DOCK3: variants seen among roughly 807,000 people sequenced by gnomAD.
DOCK3 encodes dedicator of cytokinesis protein 3.
A neutral mutation model predicts 265.6 loss-of-function variants in DOCK3; 60 were observed. The observed-to-expected ratio is 0.23, with a 90% confidence interval of 0.18 to 0.28. The LOEUF (loss-of-function observed/expected upper bound fraction) is 0.28. DOCK3 is among the 10% of genes least tolerant of loss of function. The pLI is 1.00. For synonymous variants in DOCK3, 881 were observed against 938.0 expected (o/e 0.94, Z 1.11); for missense variants, 1,981 against 2,594.3 (o/e 0.76, Z 5.14).
chr3:50,860,395 A>G (rs1184906292), intron 3 of DOCK3, among the ~76,000 whole-genome samples: 2 of 152,092 alleles, frequency 1.3e-5, no homozygotes, highest in Non-Finnish European at 1.5e-5. Context: ...TTGATAGTTG[A>G]GGCTTAGGCC....
At chr3:50,728,952 G>A (rs1428557800) in intron 1 of DOCK3, among the ~76,000 whole-genome samples, 41 of 148,910 alleles carry the variant, frequency 2.8e-4, no homozygotes, top group Non-Finnish European at 9.0e-5. Context: ...TCAAACTCCT[G>A]ACCTCTAGTG....
intron 2 of DOCK3, among the ~76,000 whole-genome samples, chr3:50,799,178 G>A (rs1299720714): frequency 6.6e-6 from 1 of 152,096 alleles, no homozygotes; most frequent in Non-Finnish European, 1.5e-5. Context: ...TTTTGCCCAA[G>A]ATTGCTTTGA....
chr3:50,749,944 C>T (rs950204572), intron 1 of DOCK3, among the ~76,000 whole-genome samples: 4 of 152,164 alleles, frequency 2.6e-5, no homozygotes, highest in East Asian at 1.9e-4. Flanking sequence ...TATCCCTTAA[C>T]GCAGGGGCCC....
chr3:50,727,316 A>C (rs2037894031), intron 1 of DOCK3, among the ~76,000 whole-genome samples: 1 of 152,256 alleles, frequency 6.6e-6, no homozygotes, highest in South Asian at 2.1e-4. Flanking sequence ...AATGTTATGC[A>C]TAAGAAATCT....
intron 27 of DOCK3, among the ~76,000 whole-genome samples, chr3:51,287,214 A>T (rs1018830561): frequency 2.0e-5 from 3 of 152,232 alleles, no homozygotes; most frequent in Non-Finnish European, 4.4e-5. Flanking sequence ...AATGTTCAAC[A>T]TCACTAATCA....
At chr3:51,336,957 G>A in intron 35 of DOCK3, 1 of 449,626 alleles carries the variant, frequency 2.2e-6, no homozygotes, top group Admixed American at 2.4e-5. Flanking sequence ...ACCATTGTGT[G>A]GGTTGCTTGG....
chr3:51,073,360 A>G (rs1020554887), intron 6 of DOCK3, among the ~76,000 whole-genome samples: 6 of 152,220 alleles, frequency 3.9e-5, no homozygotes, highest in African/African-American at 1.4e-4. Flanking sequence ...GAAAGGATGT[A>G]CTGCACCTCG....
chr3:51,014,623 T>G (rs1427859623), intron 5 of DOCK3, among the ~76,000 whole-genome samples: 2 of 152,180 alleles, frequency 1.3e-5, no homozygotes, highest in African/African-American at 4.8e-5. Flanking sequence ...CAGAATGGTT[T>G]TGGCTATTCT....
At chr3:50,905,403 G>A (rs1277476130) in intron 4 of DOCK3, among the ~76,000 whole-genome samples, 1 of 152,070 alleles carries the variant, frequency 6.6e-6, no homozygotes, top group Non-Finnish European at 1.5e-5. Flanking sequence ...AGCATGGAAT[G>A]TTCTTCCATT....
At chr3:51,317,996 T>C (rs1172976220) in intron 32 of DOCK3, among the ~76,000 whole-genome samples, 2 of 152,194 alleles carry the variant, frequency 1.3e-5, no homozygotes, top group Non-Finnish European at 2.9e-5. Context: ...TATCTAATTC[T>C]TTTTCCTTTT....
chr3:51,153,975 T>C (rs2085731615), intron 10 of DOCK3, among the ~76,000 whole-genome samples: 1 of 152,224 alleles, frequency 6.6e-6, no homozygotes, highest in African/African-American at 2.4e-5. Flanking sequence ...TCAAAACCTA[T>C]TGGATAGTTT....
chr3:50,834,685 A>G (rs1272257499), intron 2 of DOCK3, among the ~76,000 whole-genome samples: 2 of 152,216 alleles, frequency 1.3e-5, no homozygotes, highest in Non-Finnish European at 2.9e-5. Flanking sequence ...GACACTTCAT[A>G]TTAGAAAATA....
chr3:51,216,410 C>T (rs761813274), intron 14 of DOCK3, among the ~76,000 whole-genome samples: 10 of 152,250 alleles, frequency 6.6e-5, no homozygotes, highest in African/African-American at 9.6e-5. Flanking sequence ...TTCCCTCCTC[C>T]GGGCAGCTAA....
intron 9 of DOCK3, among the ~76,000 whole-genome samples, chr3:51,095,591 A>G (rs1169427332): frequency 2.0e-5 from 3 of 152,234 alleles, no homozygotes; most frequent in East Asian, 3.9e-4. Context: ...TGCATTGTCT[A>G]GTGCAAAATG....
intron 4 of DOCK3, among the ~76,000 whole-genome samples, chr3:50,890,616 A>C (rs1471068252): frequency 6.6e-6 from 1 of 152,138 alleles, no homozygotes; most frequent in African/African-American, 2.4e-5. Context: ...TGAGTTTTTA[A>C]AAAATTCTTT....
intron 5 of DOCK3, among the ~76,000 whole-genome samples, chr3:50,974,334 A>C (rs1013505819): frequency 1.9e-4 from 29 of 151,848 alleles, no homozygotes; most frequent in Middle Eastern, 6.8e-3. Flanking sequence ...TAAGGAAGGG[A>C]TCCAGTTTCA....
intron 5 of DOCK3, among the ~76,000 whole-genome samples, chr3:51,056,174 G>A (rs987631892): frequency 6.6e-6 from 1 of 152,144 alleles, no homozygotes; most frequent in East Asian, 1.9e-4. Context: ...GTACTCAGTT[G>A]CTGACTATGT....
At chr3:51,350,253 A>T (rs757511454) in intron 39 of DOCK3, 35 bp from the exon 40 acceptor site, 286 of 1,571,666 alleles carry the variant, frequency 1.8e-4, no homozygotes, top group Non-Finnish European at 2.4e-4. Context: ...TACCAACAGC[A>T]GTCAAGCCAA....
chr3:50,676,731 G>A (rs573109385), intron 1 of DOCK3, among the ~76,000 whole-genome samples: 25 of 151,660 alleles, frequency 1.6e-4, no homozygotes, highest in Admixed American at 2.6e-4. Context: ...GGGCGTGGGG[G>A]GAGGAGCCCT....
Sources: allele counts gnomAD v4.1 joint callset (sites outside exome capture counted in the v4.1 genomes callset), GRCh38; gene constraint gnomAD v4.1.1; transcripts MANE v1.5; gene names NCBI Gene and HGNC (gene_info 2026-07-23, HGNC 2026-07-21).